CYFIP2: variants seen among roughly 807,000 people sequenced by gnomAD.
The protein encoded by CYFIP2 is cytoplasmic FMR1 interacting protein 2.
In CYFIP2, 29 loss-of-function variants were observed where a neutral mutation model predicts 158.7. The observed-to-expected ratio is 0.18, with a 90% CI of 0.14 to 0.25. The LOEUF is 0.25. Among genes scored for constraint, CYFIP2 ranks in the 10% least tolerant of loss-of-function variants. The pLI is 1.00. For synonymous variants in CYFIP2, 585 were observed against 617.6 expected (o/e 0.95, Z 0.78); for missense variants, 852 against 1,639.5 (o/e 0.52, Z 8.29).
intron 23 of CYFIP2, among the ~76,000 whole-genome samples, chr5:157,352,771 A>T (rs571199039): frequency 6.6e-6 from 1 of 152,258 alleles, no homozygotes; most frequent in Non-Finnish European, 1.5e-5. Context: ...GTCTTTGGAG[A>T]TGTGATTAAC....
In CYFIP2 at chr5:157,336,414, G is replaced by A. The variant is rs373695002; in HGVS notation, c.2386-2643G>A. Among the ~76,000 whole-genome samples the A allele has an allele frequency of 7.2e-5, 11 of 152,354 alleles. 1 individual carries two copies. Among genetic ancestry groups the A allele is most frequent in the Admixed American group, 6.5e-4 (10 of 15,308 alleles). On this transcript the variant is annotated intron_variant, in intron 21 of 30. Coordinates refer to ENST00000620254, the MANE Select transcript of CYFIP2 (RefSeq NM_001037333.3). ...AACTGCAGAAGCTCTGGCAATGCCA[G>A]ACCAGCATTCCCAGATGGTAACGAT...
In CYFIP2 at chr5:157,304,246, C is replaced by T; in HGVS notation, c.675C>T (p.His225=). The T allele has an allele frequency of 6.2e-7, 1 of 1,612,652 alleles. No homozygotes were observed. Among genetic ancestry groups the T allele is most frequent in the Non-Finnish European group, 8.5e-7 (1 of 1,179,720 alleles). Residue 225 remains histidine (H), a synonymous_variant, in exon 8 of 31, where the codon CAC becomes CAT. Coordinates refer to ENST00000620254, the MANE Select transcript of CYFIP2 (RefSeq NM_001037333.3). ...GTGGCGCTGCTGTTCAGTGTCTCCA[C>T]CAGCAACTTGAAGTGATCCCAGGCT... The part of the protein sequence containing the change: ...ANHNRITQCL[H]QQLEVIPGYE...
chr5:157,339,726 C>T (rs932900149), intron 22 of CYFIP2, among the ~76,000 whole-genome samples: 16 of 152,288 alleles, frequency 1.1e-4, no homozygotes, highest in African/African-American at 3.9e-4. Context: ...CAAACCTCAA[C>T]GGAGGCTTCC....
chr5:157,270,523 G>A (rs144057454), intron 1 of CYFIP2, among the ~76,000 whole-genome samples: 2 of 152,318 alleles, frequency 1.3e-5, no homozygotes, highest in East Asian at 3.9e-4. Flanking sequence ...AGGAATATCC[G>A]AGAACTATTT....
intron 3 of CYFIP2, among the ~76,000 whole-genome samples, chr5:157,287,819 A>G (rs1158457182): frequency 1.3e-5 from 2 of 152,212 alleles, no homozygotes; most frequent in Non-Finnish European, 2.9e-5. Flanking sequence ...TAGGCTGAGT[A>G]TGGTAGCTCA....
chr5:157,343,061 A>G (rs1191684419), intron 23 of CYFIP2: 1 of 1,614,038 alleles, frequency 6.2e-7, no homozygotes, highest in Non-Finnish European at 8.5e-7. Flanking sequence ...TGGCCATCTC[A>G]CCAACCCATT....
At chr5:157,301,089 G>A (rs1758708993) in intron 6 of CYFIP2, among the ~76,000 whole-genome samples, 193 bp downstream of exon 6, 1 of 152,192 alleles carries the variant, frequency 6.6e-6, no homozygotes, top group African/African-American at 2.4e-5. Context: ...CTGGGCCTTG[G>A]AAGAACTTGA....
chr5:157,283,310 T>A (rs1436302223), intron 1 of CYFIP2, among the ~76,000 whole-genome samples: 1 of 152,206 alleles, frequency 6.6e-6, no homozygotes, highest in Non-Finnish European at 1.5e-5. Flanking sequence ...TGTTTCACTA[T>A]TATTATAATT....
rs1054127479 is a variant in CYFIP2, at chr5:157,389,134, T to C, written c.3208-55T>C. The C allele has an allele frequency of 4.6e-5, 69 of 1,498,024 alleles. No individual in the cohort carries two copies. In the African/African-American group the frequency reaches 8.7e-4, roughly 19 times the overall value. The allele number at this position is 1,498,024 out of a possible 1,614,324, so 92.8% of individuals were successfully genotyped here. On this transcript the variant is annotated intron_variant, in intron 28 of 30. Coordinates refer to ENST00000620254, the MANE Select transcript of CYFIP2 (RefSeq NM_001037333.3). ...GAGTTCGGGAATCTGTGGTGGGAGGTGGCAGATGGGCTCTAAGATGTGGAT... is the reference window on the plus strand; with the variant it reads ...GAGTTCGGGAATCTGTGGTGGGAGGCGGCAGATGGGCTCTAAGATGTGGAT...
At chr5:157,355,173 T>C (rs899869609) in intron 23 of CYFIP2, among the ~76,000 whole-genome samples, 1 of 152,176 alleles carries the variant, frequency 6.6e-6, no homozygotes, top group African/African-American at 2.4e-5. Context: ...TTTTGGTGCA[T>C]TCTATCAACT....
At chr5:157,390,363 C>T (rs1273857993) in intron 29 of CYFIP2, among the ~76,000 whole-genome samples, 158 bp from the exon 30 acceptor site, 1 of 152,128 alleles carries the variant, frequency 6.6e-6, no homozygotes. Context: ...ATGAACCCAC[C>T]CTCACAGCTT....
chr5:157,384,520 G>A (rs1262815434), intron 28 of CYFIP2: 1 of 456,154 alleles, frequency 2.2e-6, no homozygotes, highest in East Asian at 7.0e-5. Flanking sequence ...CCTCTCTTCT[G>A]GCAAAACATG....
intron 21 of CYFIP2, 123 bp from the exon 22 acceptor site, chr5:157,338,934 G>T (rs1450495650): frequency 1.1e-6 from 1 of 912,454 alleles, no homozygotes. Flanking sequence ...TAGTTCCCAT[G>T]TAGATGGCCA....
chr5:157,338,961 G>A, intron 21 of CYFIP2, 96 bp from the exon 22 acceptor site: 1 of 1,267,726 alleles, frequency 7.9e-7, no homozygotes, highest in South Asian at 1.5e-5. Context: ...TGTCTGAGCA[G>A]CTGTCACTTG....
intron 8 of CYFIP2, 90 bp downstream of exon 8, chr5:157,304,456 C>CA: frequency 6.9e-7 from 1 of 1,444,722 alleles, no homozygotes; most frequent in African/African-American, 1.4e-5. Context: ...AACAATGTTT[C>CA]TTTTTTCTTA....
intron 23 of CYFIP2, among the ~76,000 whole-genome samples, chr5:157,352,975 C>A (rs1243743860): frequency 3.3e-5 from 5 of 152,168 alleles, no homozygotes; most frequent in Non-Finnish European, 5.9e-5. Flanking sequence ...CCGCCAGCCT[C>A]CAGTAGCTGA....
intron 9 of CYFIP2, among the ~76,000 whole-genome samples, chr5:157,309,499 G>A (rs1335859677): frequency 6.6e-6 from 1 of 152,208 alleles, no homozygotes; most frequent in Non-Finnish European, 1.5e-5. Context: ...CCTTGGACAA[G>A]TCACTTTGCC....
chr5:157,311,069 G>A lies in CYFIP2; in HGVS notation c.993-595G>A, dbSNP rs1284912852. The A allele has an allele frequency of 4.4e-6, 2 of 451,562 alleles. No individual in the cohort carries two copies. Among genetic ancestry groups the A allele is most frequent in the Non-Finnish European group, 8.9e-6 (2 of 225,710 alleles). The allele number at this position is 451,562 out of a possible 1,614,324, so 28.0% of individuals were successfully genotyped here. ...GGCGGAGGGAAGGAGGAAAGAGGGTGGAAAGAGAAGGAGAGAAGGGGGCGA... is the reference window on the plus strand; with the variant it reads ...GGCGGAGGGAAGGAGGAAAGAGGGTAGAAAGAGAAGGAGAGAAGGGGGCGA... On this transcript the variant is annotated intron_variant, in intron 10 of 30. Transcript: ENST00000620254. This position sits in a 1 kb window ranked among gnomAD's most constrained non-coding sequence, Gnocchi z 4.7.
rs999593337 is a variant in CYFIP2 at position 157,326,217 on chromosome 5, G to T, written c.2029G>T (p.Ala677Ser). 6.2e-7 allele frequency: 1 copy of T among 1,613,886 alleles called. No individual in the cohort carries two copies. Among genetic ancestry groups the T allele is most frequent in the Non-Finnish European group, 8.5e-7 (1 of 1,179,880 alleles). The change falls in exon 18 of 31, where the codon GCT becomes TCT. Residue 677 changes from alanine (A) to serine (S), a missense_variant. Coordinates refer to ENST00000620254, the MANE Select transcript of CYFIP2 (RefSeq NM_001037333.3). The part of the protein sequence containing the change: ...LDLYNDSAYY[A>S]LTKFKKQFLY... ...TCTGTACAACGACAGCGCCTACTAT[G>T]CTCTGACCAAGTTTAAAAAGCAGTT... is the stretch of plus-strand genomic sequence containing the variant.
Sources: gnomAD v4.1 joint callset for allele counts (sites outside exome capture counted in the v4.1 genomes callset) on GRCh38, gnomAD v4.1.1 for gene constraint, Gnocchi (gnomAD v3.1) non-coding constraint, MANE v1.5 for transcripts, NCBI Gene and HGNC (gene_info 2026-07-23, HGNC 2026-07-21) for gene names.